Variants in USP34 observed in about 807,000 individuals in gnomAD.
The protein encoded by USP34 is ubiquitin carboxyl-terminal hydrolase 34.
In USP34, 70 loss-of-function variants were observed where a neutral mutation model predicts 460.3. That is an observed-to-expected ratio of 0.15 (90% CI 0.13 to 0.19). USP34 has a LOEUF of 0.19. USP34 is among the 10% of genes least tolerant of loss of function. The probability of loss-of-function intolerance (pLI) is 1.00; values close to 1 mark genes in which losing one functional copy is unlikely to be tolerated. For missense variants in USP34, 3,985 were observed against 4,236.2 expected (o/e 0.94, Z 1.65); for synonymous variants, 1,647 against 1,405.3 (o/e 1.17, Z -3.85).
intron 1 of USP34, among the ~76,000 whole-genome samples, chr2:61,458,739 T>C (rs1695511343): frequency 6.6e-6 from 1 of 151,630 alleles, no homozygotes; most frequent in South Asian, 2.1e-4. Flanking sequence ...TCCCAGCAAC[T>C]ATTTCAAACA....
intron 27 of USP34, among the ~76,000 whole-genome samples, chr2:61,310,141 C>G (rs1292893394): frequency 6.6e-5 from 10 of 152,270 alleles, no homozygotes; most frequent in Middle Eastern, 6.8e-3. Context: ...AGTTCTTAAT[C>G]TGGATGGTAG....
At chr2:61,235,700 T>C in intron 57 of USP34, 145 bp downstream of exon 57, 1 of 694,232 alleles carries the variant, frequency 1.4e-6, no homozygotes, top group Non-Finnish European at 2.4e-6. Flanking sequence ...ATTATAACTT[T>C]CTCAGCTACC....
chr2:61,286,780 A>G (rs574500224), intron 34 of USP34, among the ~76,000 whole-genome samples: 76 of 152,342 alleles, frequency 5.0e-4, no homozygotes, highest in African/African-American at 1.7e-3. Flanking sequence ...TGAATTTTCA[A>G]TAAGCTTGTA....
At chr2:61,216,175 T>C (rs1296462436) in intron 67 of USP34, among the ~76,000 whole-genome samples, 1 of 152,254 alleles carries the variant, frequency 6.6e-6, no homozygotes. Flanking sequence ...ACCTATATAC[T>C]AGTCTGCTTA....
chr2:61,392,331 A>T lies in USP34; in HGVS notation c.753+2522T>A, dbSNP rs539385008. Among the ~76,000 whole-genome samples the T allele has an allele frequency of 1.5e-4, 23 of 152,086 alleles. No homozygotes were observed. The South Asian group carries it at 4.8e-3, about 32-fold the overall frequency. ...TCTCTCTCAAAAACAAAAACAAAACAAAGGCCGGGTGCGGTGGCTCAAGCC... is the reference window on the plus strand; with the variant it reads ...TCTCTCTCAAAAACAAAAACAAAACTAAGGCCGGGTGCGGTGGCTCAAGCC... On this transcript the variant is annotated intron_variant, in intron 5 of 79. Coordinates refer to ENST00000398571, the MANE Select transcript of USP34 (RefSeq NM_014709.4).
At chr2:61,189,236 G>C in intron 78 of USP34, 167 bp from the exon 79 acceptor site, 3 of 668,696 alleles carry the variant, frequency 4.5e-6, no homozygotes, top group South Asian at 4.9e-5. Context: ...CCAGTGTTAA[G>C]ATACTACAGC....
intron 10 of USP34, among the ~76,000 whole-genome samples, chr2:61,364,503 CATT>C (rs1314884038): frequency 6.6e-6 from 1 of 152,152 alleles, no homozygotes; most frequent in Non-Finnish European, 1.5e-5. Context: ...AGTTACACAA[CATT>C]ATGAATATCT....
chr2:61,256,168 T>C (rs1688719324), intron 48 of USP34, among the ~76,000 whole-genome samples: 1 of 152,314 alleles, frequency 6.6e-6, no homozygotes, highest in African/African-American at 2.4e-5. Context: ...CTGTTTCAAG[T>C]TGAGTGATTA....
chr2:61,431,108 G>A (rs1694664159), intron 1 of USP34, among the ~76,000 whole-genome samples: 4 of 152,158 alleles, frequency 2.6e-5, no homozygotes, highest in Admixed American at 6.6e-5. Context: ...AGGAATGTAG[G>A]GAGAGATTGG....
chr2:61,456,191 G>T (rs1159426471), intron 1 of USP34, among the ~76,000 whole-genome samples: 1 of 152,152 alleles, frequency 6.6e-6, no homozygotes, highest in African/African-American at 2.4e-5. Context: ...TTAGATATCC[G>T]TGGGCTTACT....
Position 61,187,703 on chromosome 2 carries a change from C to T in USP34, c.*399G>A. The T allele has an allele frequency of 2.1e-6, 1 of 481,588 alleles. No homozygotes were observed. Among genetic ancestry groups the T allele is most frequent in the Non-Finnish European group, 2.8e-6 (1 of 362,436 alleles). 29.8% of individuals were successfully genotyped at this position (481,588 alleles called of 1,614,324 possible). A position where few individuals can be genotyped will look rare whatever the true frequency, so the allele number is the denominator to read the frequency against. On this transcript the variant is annotated 3_prime_UTR_variant, in exon 80 of 80. Transcript: ENST00000398571. ...TAAACTTAATTTTGATAATAAGAAC[C>T]ACAGCGATCGGAGGCAATCTGCCTC...
chr2:61,446,517 T>G (rs1311150274), intron 1 of USP34, among the ~76,000 whole-genome samples: 1 of 152,206 alleles, frequency 6.6e-6, no homozygotes, highest in Non-Finnish European at 1.5e-5. Flanking sequence ...TGATGTAGGC[T>G]GGGCGTGGTA....
chr2:61,349,348 G>T (rs903017027), intron 12 of USP34, 63 bp from the exon 13 acceptor site: 3 of 1,522,616 alleles, frequency 2.0e-6, no homozygotes, highest in African/African-American at 1.4e-5. Flanking sequence ...TTGAGACAGC[G>T]TATCAGTTGT....
rs935127413 is a variant in USP34 at position 61,233,889 on chromosome 2, T to C, written c.7033-1357A>G. On this transcript the variant is annotated intron_variant, in intron 57 of 79. Transcript: ENST00000398571. ...TAAAGATGAGAAGTCACTTCTAATA[T>C]TACTGGGAGTGAATGAAATTGTGGT... Among the ~76,000 whole-genome samples the C allele has an allele frequency of 1.7e-4, 26 of 152,092 alleles. 1 individual carries two copies. The highest frequency in any genetic ancestry group is 8.5e-4 in the Admixed American group (13 of 15,268).
chr2:61,391,987 T>C (rs1003017842), intron 5 of USP34, among the ~76,000 whole-genome samples: 1 of 152,190 alleles, frequency 6.6e-6, no homozygotes, highest in East Asian at 1.9e-4. Context: ...TAGTATAATT[T>C]TGCTTTAACG....
At chr2:61,362,274 T>C (rs1294751963) in intron 10 of USP34, among the ~76,000 whole-genome samples, 1 of 152,156 alleles carries the variant, frequency 6.6e-6, no homozygotes, top group East Asian at 1.9e-4. Context: ...TAAACAGAAC[T>C]ATCTTATGTT....
intron 57 of USP34, 46 bp downstream of exon 57, chr2:61,235,799 A>G (rs770347402): frequency 2.7e-5 from 43 of 1,583,934 alleles, no homozygotes; most frequent in Non-Finnish European, 3.3e-5. Context: ...GGGGGAAAAA[A>G]AAAAGAATCT....
At chr2:61,270,577 G>A (rs1194872254) in intron 41 of USP34, among the ~76,000 whole-genome samples, 4 of 151,994 alleles carry the variant, frequency 2.6e-5, no homozygotes, top group African/African-American at 7.3e-5. Flanking sequence ...CTGTGATTAC[G>A]GGTATGCACC....
intron 41 of USP34, among the ~76,000 whole-genome samples, chr2:61,267,247 G>A (rs575376581): frequency 6.6e-6 from 1 of 152,198 alleles, no homozygotes; most frequent in South Asian, 2.1e-4. Context: ...TATATGCTGA[G>A]TCCTGTGAGT....
Sources: allele counts gnomAD v4.1 joint callset (sites outside exome capture counted in the v4.1 genomes callset), GRCh38; gene constraint gnomAD v4.1.1; transcripts MANE v1.5; gene names NCBI Gene and HGNC (gene_info 2026-07-23, HGNC 2026-07-21).